Variants in AGPAT3 observed in about 807,000 individuals in gnomAD.
AGPAT3 encodes 1-acylglycerol-3-phosphate O-acyltransferase 3, also known as 1-acyl-sn-glycerol-3-phosphate acyltransferase gamma.
AGPAT3 carries 5 observed loss-of-function variants against 47.3 expected under a neutral mutation model. The observed-to-expected ratio is 0.11, with a 90% CI of 0.06 to 0.22. AGPAT3 has a LOEUF of 0.22. Ranked by LOEUF, AGPAT3 falls within the 10% of genes least tolerant of loss-of-function variation. The pLI, the probability that AGPAT3 is intolerant of heterozygous loss-of-function variation, is 1.00. For missense variants in AGPAT3, 315 were observed against 493.0 expected (o/e 0.64, Z 3.42); for synonymous variants, 212 against 208.3 (o/e 1.02, Z -0.15).
At position 43,952,063 on chromosome 21, in the gene AGPAT3, G is replaced by A. The variant is rs1305975425; in HGVS notation, c.-48-7571G>A. Among the ~76,000 whole-genome samples the A allele has an allele frequency of 6.6e-6, 1 of 152,082 alleles. No individual in the cohort carries two copies. Among genetic ancestry groups the A allele is most frequent in the African/African-American group, 2.4e-5 (1 of 41,386 alleles). ...CCTGGGGCAGGCAGGGGGTGGGCTG[G>A]ATGGCGGAACACGGGGATGGGCCCG... On this transcript the variant is annotated intron_variant, in intron 2 of 9. Transcript: ENST00000291572. The surrounding 1 kb of genome is among the most constrained non-coding windows in gnomAD (Gnocchi z 5.6).
chr21:43,924,740 G>T (rs1004842191), intron 2 of AGPAT3, among the ~76,000 whole-genome samples: 1 of 152,188 alleles, frequency 6.6e-6, no homozygotes, highest in Non-Finnish European at 1.5e-5. Context: ...AGAAGGGCAC[G>T]CCTGGGCTTT....
rs942074460 is a variant in AGPAT3, at chr21:43,955,634, G to A, written c.-48-4000G>A. Among the ~76,000 whole-genome samples the A allele has an allele frequency of 8.6e-5, 13 of 151,862 alleles. No individual in the cohort carries two copies. The highest frequency in any genetic ancestry group is 3.1e-4 in the African/African-American group (13 of 41,396). On this transcript the variant is annotated intron_variant, in intron 2 of 9. Coordinates refer to ENST00000291572, the MANE Select transcript of AGPAT3 (RefSeq NM_020132.5). This position sits in a 1 kb window ranked among gnomAD's most constrained non-coding sequence, Gnocchi z 4.1. ...AAAAATAAACGTCATGACTGGGTGC[G>A]GTGGCTCACACCTGTAATCCCAGCG...
intron 1 of AGPAT3, among the ~76,000 whole-genome samples, chr21:43,894,836 C>T (rs971150848): frequency 1.3e-5 from 2 of 152,176 alleles, no homozygotes; most frequent in Admixed American, 6.5e-5. Context: ...TCAGTGGCCT[C>T]TGATTTTAAA....
intron 1 of AGPAT3, among the ~76,000 whole-genome samples, chr21:43,865,680 C>T (rs1436366197): frequency 6.6e-6 from 1 of 150,566 alleles, no homozygotes; most frequent in Non-Finnish European, 1.5e-5. Flanking sequence ...GGGTTCGGGG[C>T]GCCCGGGAGG....
chr21:43,964,047 C>T (rs545370504), intron 3 of AGPAT3, among the ~76,000 whole-genome samples: 20 of 151,900 alleles, frequency 1.3e-4, no homozygotes, highest in Admixed American at 5.2e-4. Context: ...GAATGGTAGC[C>T]AAAGAAATTA....
At position 43,930,685 on chromosome 21, in the gene AGPAT3, C is replaced by T. The variant is rs1318785317; in HGVS notation, c.-49+26666C>T. On this transcript the variant is annotated intron_variant, in intron 2 of 9. Transcript: ENST00000291572. This position sits in a 1 kb window ranked among gnomAD's most constrained non-coding sequence, Gnocchi z 5.0. ...GGCGGGGATGAGGTGGGGGTGCACACCTGGGCTGAGGGGAGCAGAGGGAAG... is the reference window on the plus strand; with the variant it reads ...GGCGGGGATGAGGTGGGGGTGCACATCTGGGCTGAGGGGAGCAGAGGGAAG... Among the ~76,000 whole-genome samples the T allele has an allele frequency of 3.9e-5, 6 of 152,052 alleles. No individual in the cohort carries two copies. Among genetic ancestry groups the T allele is most frequent in the Non-Finnish European group, 8.8e-5 (6 of 67,996 alleles).
Position 43,987,188 on chromosome 21 carries a change from C to T in AGPAT3, c.*4796C>T, listed in dbSNP as rs887037019. Among the ~76,000 whole-genome samples the T allele has an allele frequency of 6.6e-5, 10 of 152,354 alleles. No individual in the cohort carries two copies. The highest frequency in any genetic ancestry group is 2.2e-4 in the African/African-American group (9 of 41,586). On this transcript the variant is annotated 3_prime_UTR_variant, in exon 10 of 10. Transcript: ENST00000291572. ...TCGTTTCCAGTCTGCATAGATGTCT[C>T]CAAGGGGAAACCAGGGCCACCAGGC...
In AGPAT3 at chr21:43,942,409, C is replaced by T. The variant is rs150553040; in HGVS notation, c.-48-17225C>T. Among the ~76,000 whole-genome samples the T allele has an allele frequency of 4.6e-3, 701 of 152,278 alleles. 7 individuals are homozygous for T. Among genetic ancestry groups the T allele is most frequent in the African/African-American group, 0.016 (677 of 41,568 alleles). On this transcript the variant is annotated intron_variant, in intron 2 of 9. Coordinates refer to ENST00000291572, the MANE Select transcript of AGPAT3 (RefSeq NM_020132.5). ...TGGGAGTCTGGCGTCCTTCACGAGGCGCTCCTGAAGCACCTCTGCCTACCC... is the reference window on the plus strand; with the variant it reads ...TGGGAGTCTGGCGTCCTTCACGAGGTGCTCCTGAAGCACCTCTGCCTACCC...
intron 2 of AGPAT3, among the ~76,000 whole-genome samples, chr21:43,931,242 C>T (rs1004583323): frequency 2.0e-5 from 3 of 152,254 alleles, no homozygotes; most frequent in East Asian, 3.9e-4. Context: ...GTGCTAGTGA[C>T]GTCCCACTGC....
intron 2 of AGPAT3, among the ~76,000 whole-genome samples, chr21:43,942,210 C>T (rs1370460893): frequency 2.6e-5 from 4 of 152,196 alleles, no homozygotes; most frequent in Non-Finnish European, 5.9e-5. Context: ...CCTGTTTGAC[C>T]TGGAGGGCCA....
chr21:43,931,922 CGTGT>C (rs55978822), intron 2 of AGPAT3, among the ~76,000 whole-genome samples: 14,755 of 145,476 alleles, frequency 0.1, 1,224 homozygotes, highest in African/African-American at 0.23. Context: ...AAGAGGATCT[CGTGT>C]GTGTGTGTGT....
intron 2 of AGPAT3, among the ~76,000 whole-genome samples, chr21:43,918,047 GGGGGTTGTGGGTGTT>G (rs1258198261): frequency 4.6e-4 from 33 of 72,054 alleles, no homozygotes; most frequent in Non-Finnish European, 9.9e-4. Flanking sequence ...TTGGTGTTGT[GGGGGTTGTGGGTGTT>G]GGGGTTGTGG....
At chr21:43,974,126 G>A (rs1763847048) in intron 7 of AGPAT3, among the ~76,000 whole-genome samples, 1 of 151,764 alleles carries the variant, frequency 6.6e-6, no homozygotes, top group African/African-American at 2.4e-5. Context: ...TATATGTGAT[G>A]TGTGCATGTG....
At chr21:43,894,101 T>G (rs1013761707) in intron 1 of AGPAT3, among the ~76,000 whole-genome samples, 1 of 152,178 alleles carries the variant, frequency 6.6e-6, no homozygotes, top group African/African-American at 2.4e-5. Context: ...TTCATGCTCG[T>G]GAGTGAGACT....
intron 1 of AGPAT3, among the ~76,000 whole-genome samples, chr21:43,881,765 C>T (rs2085857814): frequency 2.6e-5 from 4 of 152,186 alleles, no homozygotes; most frequent in Admixed American, 6.5e-5. Context: ...AAGCCATTCT[C>T]CTGTCTCAGC....
At chr21:43,875,545 T>G (rs1279152734) in intron 1 of AGPAT3, among the ~76,000 whole-genome samples, 1 of 152,268 alleles carries the variant, frequency 6.6e-6, no homozygotes, top group African/African-American at 2.4e-5. Context: ...TTCCAGGTTA[T>G]TTCTTCAGCT....
chr21:43,880,962 G>C lies in AGPAT3; in HGVS notation c.-112+15617G>C, dbSNP rs971899939. ...ACAAGTTGGTCATTCTTAATGCCAG[G>C]GAGGGGGAAGAGAGAGAAAATGAGA... is the stretch of plus-strand genomic sequence containing the variant. On this transcript the variant is annotated intron_variant, in intron 1 of 9. Coordinates refer to ENST00000291572, the MANE Select transcript of AGPAT3 (RefSeq NM_020132.5). The surrounding 1 kb of genome is among the most constrained non-coding windows in gnomAD (Gnocchi z 4.5). 3.9e-4 allele frequency among the ~76,000 whole-genome samples: 52 copies of C among 135,028 alleles called. No individual in the cohort carries two copies. Among genetic ancestry groups the C allele is most frequent in the Middle Eastern group, 7.4e-3 (2 of 272 alleles). 88.6% of individuals were successfully genotyped at this position (135,028 alleles called of 152,430 possible). A position where few individuals can be genotyped will look rare whatever the true frequency, so the allele number is the denominator to read the frequency against.
At chr21:43,957,336 C>T (rs756512114) in intron 2 of AGPAT3, among the ~76,000 whole-genome samples, 17 of 152,290 alleles carry the variant, frequency 1.1e-4, no homozygotes, top group East Asian at 1.9e-4. Flanking sequence ...GAACAGGGGC[C>T]GCCCTGGGAA....
chr21:43,929,271 G>A (rs1006572741), intron 2 of AGPAT3, among the ~76,000 whole-genome samples: 7 of 152,190 alleles, frequency 4.6e-5, no homozygotes, highest in African/African-American at 1.7e-4. Flanking sequence ...CACAGGAGAC[G>A]GGCCTGGCTC....
Sources: allele counts gnomAD v4.1 joint callset (sites outside exome capture counted in the v4.1 genomes callset), GRCh38; gene constraint gnomAD v4.1.1; non-coding constraint Gnocchi (gnomAD v3.1); transcripts MANE v1.5; gene names NCBI Gene and HGNC (gene_info 2026-07-23, HGNC 2026-07-21).